The following TAF8 variants were observed in gnomAD, a reference collection of about 807,000 sequenced individuals.
TAF8 encodes TATA-box binding protein associated factor 8.
A neutral mutation model predicts 36.5 loss-of-function variants in TAF8; 47 were observed. The ratio of observed to expected loss-of-function variants is 1.29; its 90% CI spans 1.02 to 1.64. The LOEUF (loss-of-function observed/expected upper bound fraction) is 1.64, where lower values mean the gene tolerates loss of function less well. Ranked by LOEUF, TAF8 falls within the 40% of genes most tolerant of loss-of-function variation. The probability of loss-of-function intolerance (pLI) is 0.00; values close to 1 mark genes in which losing one functional copy is unlikely to be tolerated. For missense variants in TAF8, 420 were observed against 407.6 expected (o/e 1.03, Z -0.26); for synonymous variants, 175 against 159.5 (o/e 1.10, Z -0.73).
At chr6:42,072,156 T>A (rs1765600880) in intron 7 of TAF8, among the ~76,000 whole-genome samples, 1 of 152,242 alleles carries the variant, frequency 6.6e-6, no homozygotes, top group South Asian at 2.1e-4. Flanking sequence ...AGAGCTGGTA[T>A]CTATCAGGTG....
chr6:42,071,762 A>G lies in TAF8; in HGVS notation c.780+3155A>G, dbSNP rs116009447. 5.5e-3 allele frequency among the ~76,000 whole-genome samples: 837 copies of G among 152,276 alleles called. 10 individuals carry two copies. The highest frequency in any genetic ancestry group is 0.019 in the African/African-American group (803 of 41,536). Reference sequence around the variant, plus strand: ...TGGGCTGAGATATGGTGATTGGGTCATGGACTAAGTTGAGGTTCACCTTAT... The same window carrying G: ...TGGGCTGAGATATGGTGATTGGGTCGTGGACTAAGTTGAGGTTCACCTTAT... On this transcript the variant is annotated intron_variant, in intron 7 of 8. Transcript: ENST00000372977.
chr6:42,051,112 A>G lies in TAF8; in HGVS notation c.46-245A>G. On this transcript the variant is annotated intron_variant, in intron 1 of 8. Transcript: ENST00000372977. ...AATAATCTGCTAAAGTAGAAAGTAA[A>G]AGACCTGCTATTTTATCTCATTGGG... 4 of 1,178,628 alleles carry G rather than the reference A, an allele frequency of 3.4e-6. No homozygotes were observed. The South Asian group carries it at 8.4e-5, about 25-fold the overall frequency. 73.0% of individuals were successfully genotyped at this position (1,178,628 alleles called of 1,614,324 possible).
chr6:42,057,265 T>C (rs1765026078), intron 4 of TAF8, 124 bp from the exon 5 acceptor site: 1 of 1,372,728 alleles, frequency 7.3e-7, no homozygotes, highest in Admixed American at 1.9e-5. Context: ...AAATACAAAA[T>C]GCAACTTGTT....
At chr6:42,054,108 TTG>T in intron 2 of TAF8, among the ~76,000 whole-genome samples, 1 of 152,306 alleles carries the variant, frequency 6.6e-6, no homozygotes, top group African/African-American at 2.4e-5. Context: ...AATGCTTTTT[TTG>T]TGTTTAAAAT....
chr6:42,054,998 C>T (rs1458680265), intron 2 of TAF8, among the ~76,000 whole-genome samples: 1 of 150,358 alleles, frequency 6.7e-6, no homozygotes, highest in Non-Finnish European at 1.5e-5. Flanking sequence ...GGCACAATCT[C>T]TGCTCACTGC....
chr6:42,077,887 G>A lies in TAF8; in HGVS notation c.*342G>A, dbSNP rs893944561. The A allele has an allele frequency of 1.9e-5, 9 of 469,386 alleles. No homozygotes were observed. The highest frequency in any genetic ancestry group is 2.8e-5 in the Non-Finnish European group (9 of 319,054). 29.1% of individuals were successfully genotyped at this position (469,386 alleles called of 1,614,324 possible). ...TTCTCCTGCCTTGGCCTCCCGAGTA[G>A]CTGGGACTAGAGGCAAGCGCCACCA... On this transcript the variant is annotated 3_prime_UTR_variant, in exon 9 of 9. Coordinates refer to ENST00000372977, the MANE Select transcript of TAF8 (RefSeq NM_138572.3).
chr6:42,058,656 A>G (rs1765089040), intron 5 of TAF8, among the ~76,000 whole-genome samples: 1 of 152,174 alleles, frequency 6.6e-6, no homozygotes, highest in South Asian at 2.1e-4. Flanking sequence ...AGCTAATGCA[A>G]CATAGCCCTT....
At chr6:42,084,171 ACT>A (rs577376182), downstream of TAF8, among the ~76,000 whole-genome samples, 1,455 of 126,666 alleles carry the variant, frequency 0.011, 21 homozygotes, top group African/African-American at 0.044. Flanking sequence ...ACAGAGCGAG[ACT>A]CTGTCTCAAA....
intron 2 of TAF8, among the ~76,000 whole-genome samples, chr6:42,053,020 A>G (rs564544349): frequency 5.9e-5 from 9 of 152,260 alleles, no homozygotes; most frequent in Middle Eastern, 3.4e-3. Context: ...TTAAATACCA[A>G]ATGTTTTCCT....
intron 5 of TAF8, among the ~76,000 whole-genome samples, chr6:42,060,551 T>C (rs1003174494): frequency 1.4e-4 from 22 of 152,206 alleles, no homozygotes; most frequent in Admixed American, 1.0e-3. Flanking sequence ...TTGTCTCCTC[T>C]TGAGGTCCCA....
At chr6:42,077,391 T>C (rs1582249025) in intron 8 of TAF8, 142 bp from the exon 9 acceptor site, 1 of 1,521,660 alleles carries the variant, frequency 6.6e-7, no homozygotes, top group East Asian at 2.4e-5. Context: ...CTTACTTGGC[T>C]CCCGTACATA....
chr6:42,067,656 C>A (rs1383298920), intron 6 of TAF8, among the ~76,000 whole-genome samples: 1 of 152,126 alleles, frequency 6.6e-6, no homozygotes, highest in African/African-American at 2.4e-5. Context: ...CAGCCTGGAC[C>A]TCCTGGACTC....
Position 42,050,569 on chromosome 6 carries a change from G to A in TAF8, c.28G>A (p.Ala10Thr), listed in dbSNP as rs773491807. 1 of 1,556,782 alleles carries A rather than the reference G, an allele frequency of 6.4e-7. No homozygotes were observed. The highest frequency in any genetic ancestry group is 1.2e-5 in the South Asian group (1 of 84,480). MADAAATAGAGGSGTRSGSK... is the reference protein window; with the variant it reads MADAAATAGTGGSGTRSGSK... ...GGCCGACGCGGCGGCCACAGCTGGG[G>A]CCGGTGGCTCCGGAACGGTAAGGGC... The change falls in exon 1 of 9, where the codon GCC becomes ACC. Residue 10 changes from alanine (A) to threonine (T), a missense_variant. Ala to Thr is a moderately conservative substitution (Grantham distance 58). Transcript: ENST00000372977.
chr6:42,057,364 G>T (rs1419840523), intron 4 of TAF8, 25 bp from the exon 5 acceptor site: 1 of 1,613,758 alleles, frequency 6.2e-7, no homozygotes, highest in African/African-American at 1.3e-5. Flanking sequence ...GGGTGGAGGG[G>T]TAATCAGTTG....
At chr6:42,060,649 C>CG (rs1582223083) in intron 5 of TAF8, among the ~76,000 whole-genome samples, 1 of 152,012 alleles carries the variant, frequency 6.6e-6, no homozygotes, top group East Asian at 1.9e-4. Flanking sequence ...TCTGTGTGGA[C>CG]GGGGTATAAG....
At chr6:42,077,429 C>T in intron 8 of TAF8, 104 bp from the exon 9 acceptor site, 5 of 1,563,026 alleles carry the variant, frequency 3.2e-6, no homozygotes, top group Non-Finnish European at 3.5e-6. Context: ...GTTGAGTGTC[C>T]TGCAGTCTAG....
intron 5 of TAF8, among the ~76,000 whole-genome samples, chr6:42,061,410 CAG>C (rs1209083840): frequency 2.0e-5 from 3 of 152,112 alleles, no homozygotes; most frequent in East Asian, 1.9e-4. Flanking sequence ...TCACAATCTC[CAG>C]AGTTATTAAT....
intron 5 of TAF8, among the ~76,000 whole-genome samples, chr6:42,065,427 G>A (rs555084189): frequency 1.8e-4 from 27 of 152,264 alleles, no homozygotes; most frequent in African/African-American, 5.5e-4. Flanking sequence ...TAACTTGATT[G>A]CCAGCAAGCT....
At chr6:42,070,951 G>A (rs1329171305) in intron 7 of TAF8, among the ~76,000 whole-genome samples, 1 of 152,104 alleles carries the variant, frequency 6.6e-6, no homozygotes, top group Admixed American at 6.6e-5. Flanking sequence ...AGGTGTTCTA[G>A]TCCTAGTTTG....
Sources: allele counts gnomAD v4.1 joint callset (sites outside exome capture counted in the v4.1 genomes callset), GRCh38; gene constraint gnomAD v4.1.1; transcripts MANE v1.5; gene names NCBI Gene and HGNC (gene_info 2026-07-23, HGNC 2026-07-21).